Variants in LDHB observed in about 807,000 individuals in gnomAD.
LDHB encodes L-lactate dehydrogenase B chain.
LDHB carries 18 observed loss-of-function variants against 33.4 expected under a neutral mutation model. That is an observed-to-expected ratio of 0.54 (90% CI 0.37 to 0.80). The LOEUF is 0.80. LDHB is among the 30% of genes least tolerant of loss of function. The pLI, the probability that LDHB is intolerant of heterozygous loss-of-function variation, is 0.00. For missense variants in LDHB, 345 were observed against 407.9 expected, an observed-to-expected ratio of 0.85 and a Z score of 1.33; for synonymous variants, 121 against 140.6, an observed-to-expected ratio of 0.86 and a Z score of 0.98.
At chr12:21,642,997 T>C (rs532070700) in intron 4 of LDHB, among the ~76,000 whole-genome samples, 46 of 152,380 alleles carry the variant, frequency 3.0e-4, no homozygotes, top group African/African-American at 1.1e-3. Flanking sequence ...TAACTTACTA[T>C]GTGCTAGCTA....
At position 21,647,009 on chromosome 12, in the gene LDHB, G is replaced by C. The variant is rs184328547; in HGVS notation, c.137C>G (p.Ala46Gly). 6.2e-7 allele frequency: 1 copy of C among 1,609,946 alleles called. No individual in the cohort carries two copies. Among genetic ancestry groups the C allele is most frequent in the Admixed American group, 1.7e-5 (1 of 59,968 alleles). The stretch of plus-strand genomic sequence containing the variant: ...AACATCCACAAGAGCAAGTTCATCA[G>C]CCAGAGACTGTAAACGCAAAAACAG... ...CAISILGKSL[A>G]DELALVDVLE... is the part of the protein sequence containing the mutation. Residue 46 changes from alanine to glycine, a missense_variant, in exon 3 of 8, where the codon GCT becomes GGT. By Grantham distance (60) the Ala-to-Gly change is moderately conservative. Transcript: ENST00000350669.
chr12:21,640,156 T>A (rs112153270), intron 5 of LDHB, among the ~76,000 whole-genome samples: 1 of 151,000 alleles, frequency 6.6e-6, no homozygotes, highest in African/African-American at 2.4e-5. Flanking sequence ...ATTTTATTAT[T>A]TTTTTTTGCC....
At chr12:21,656,302 TAC>T (rs1422702537) in intron 1 of LDHB, among the ~76,000 whole-genome samples, 2 of 152,362 alleles carry the variant, frequency 1.3e-5, no homozygotes, top group East Asian at 1.9e-4. Context: ...AGATCACATT[TAC>T]AGTTTCCTAG....
chr12:21,637,372 A>C (rs528009422), intron 6 of LDHB, 178 bp from the exon 7 acceptor site: 145 of 585,964 alleles, frequency 2.5e-4, no homozygotes, highest in Non-Finnish European at 4.0e-4. Context: ...AAATGCTTAA[A>C]ACTGTAAGCA....
intron 3 of LDHB, among the ~76,000 whole-genome samples, chr12:21,644,544 A>T (rs1020545168): frequency 6.6e-6 from 1 of 152,102 alleles, no homozygotes. Context: ...CTGGAAACTA[A>T]AACTTGGATT....
In LDHB at chr12:21,657,765, C is replaced by A. The variant is rs534649490; in HGVS notation, c.-21G>T. The A allele has an allele frequency of 6.6e-6, 1 of 152,484 alleles. No homozygotes were observed. Among genetic ancestry groups the A allele is most frequent in the Admixed American group, 6.5e-5 (1 of 15,310 alleles). 9.4% of individuals were successfully genotyped at this position (152,484 alleles called of 1,614,324 possible). Reference sequence around the variant, plus strand: ...CCGAAACCTACCAGGAGAGAGAAGGCTCTGGAGACCTCTGTAACAGTCGTG... The same window carrying A: ...CCGAAACCTACCAGGAGAGAGAAGGATCTGGAGACCTCTGTAACAGTCGTG... On this transcript the variant is annotated 5_prime_UTR_variant, in exon 1 of 8. Coordinates refer to ENST00000350669, the MANE Select transcript of LDHB (RefSeq NM_002300.8).
Position 21,642,033 on chromosome 12 carries a change from G to A in LDHB, c.514C>T (p.Arg172Cys), listed in dbSNP as rs745737131. Residue 172 changes from arginine to cysteine, a missense_variant, in exon 5 of 8, where the codon CGC (arginine) becomes TGC (cysteine). By Grantham distance (180) the Arg-to-Cys change is radical (BLOSUM62 -3). Coordinates refer to ENST00000350669, the MANE Select transcript of LDHB (RefSeq NM_002300.8). ...CCAAGTTTTTCAGCCATAAGGTAGC[G>A]AAATCTAGCAGAATCCAGATTACAT... Reference protein sequence around the residue: ...SGCNLDSARFRYLMAEKLGIH... With the variant: ...SGCNLDSARFCYLMAEKLGIH... The A allele has an allele frequency of 1.7e-5, 27 of 1,613,540 alleles. 1 individual carries two copies. Among genetic ancestry groups the A allele is most frequent in the South Asian group, 1.3e-4 (12 of 91,050 alleles).
chr12:21,656,933 A>G (rs1485403161), intron 1 of LDHB: 1 of 152,208 alleles, frequency 6.6e-6, no homozygotes, highest in Non-Finnish European at 1.5e-5. Flanking sequence ...AATCTTTTAA[A>G]AATTCAGGTT....
rs1212769051 is a variant in LDHB at position 21,650,080 on chromosome 12, ACT to A, written c.130-3066_130-3065del. ...GTGCTCCAGCCTGGGTGACAGTAAG[ACT>A]CTCTCTCTCAAGAGAAAAAAAATAC... On this transcript the variant is annotated intron_variant, in intron 2 of 7. Coordinates refer to ENST00000350669, the MANE Select transcript of LDHB (RefSeq NM_002300.8). 5.1e-5 allele frequency among the ~76,000 whole-genome samples: 6 copies of A among 117,718 alleles called. 1 individual carries two copies. The South Asian group carries it at 1.1e-3, about 21-fold the overall frequency. 77.2% of individuals were successfully genotyped at this position (117,718 alleles called of 152,430 possible).
At chr12:21,635,793 T>C in intron 7 of LDHB, 84 bp from the exon 8 acceptor site, 1 of 1,254,118 alleles carries the variant, frequency 8.0e-7, no homozygotes, top group South Asian at 1.3e-5. Flanking sequence ...GTGGGAGGAC[T>C]GTTTGAGCCC....
chr12:21,650,770 G>A (rs1650306), intron 2 of LDHB, among the ~76,000 whole-genome samples: 143,941 of 152,294 alleles, frequency 0.95, 68,528 homozygotes, highest in East Asian at 1. Flanking sequence ...TATTTATCAT[G>A]TAAGTGCCTG....
At chr12:21,647,262 C>G (rs1938551636) in intron 2 of LDHB, among the ~76,000 whole-genome samples, 1 of 152,136 alleles carries the variant, frequency 6.6e-6, no homozygotes, top group Non-Finnish European at 1.5e-5. Context: ...CTAGTGAATA[C>G]AAGTCTATAT....
chr12:21,645,277 G>T (rs936223035), intron 3 of LDHB, among the ~76,000 whole-genome samples: 6 of 152,312 alleles, frequency 3.9e-5, no homozygotes, highest in African/African-American at 1.2e-4. Flanking sequence ...GCCAGGTATT[G>T]TCCAAGGTTT....
At chr12:21,639,766 A>G (rs1591827811) in intron 5 of LDHB, among the ~76,000 whole-genome samples, 1 of 152,026 alleles carries the variant, frequency 6.6e-6, no homozygotes. Flanking sequence ...AAAACTTTCC[A>G]TGCTCAAATT....
At chr12:21,652,145 T>C (rs1938709814) in intron 2 of LDHB, among the ~76,000 whole-genome samples, 1 of 152,188 alleles carries the variant, frequency 6.6e-6, no homozygotes, top group Non-Finnish European at 1.5e-5. Context: ...TCATGATAGC[T>C]CAGATATAGT....
intron 4 of LDHB, chr12:21,643,397 G>A (rs1337640667): frequency 1.9e-5 from 3 of 155,292 alleles, no homozygotes; most frequent in Non-Finnish European, 4.3e-5. Context: ...TGTTCATCCT[G>A]TAGATGTCAA....
chr12:21,637,145 A>G lies in LDHB; in HGVS notation c.763T>C (p.Leu255=), dbSNP rs1174336079. 4.4e-6 allele frequency: 7 copies of G among 1,604,734 alleles called. No homozygotes were observed. In the South Asian group the frequency reaches 6.6e-5, roughly 15 times the overall value. Residue 255 remains leucine, a synonymous_variant, in exon 7 of 8, where the codon TTA becomes CTA. Coordinates refer to ENST00000350669, the MANE Select transcript of LDHB (RefSeq NM_002300.8). ...LKGYTNWAIG[L]SVADLIESML... ...GATTCAATAAGATCAGCCACACTTA[A>G]TCCAATAGCCCAGTTGGTATATCCT... is the stretch of plus-strand genomic sequence containing the variant.
chr12:21,657,633 C>G (rs1384825640), intron 1 of LDHB, 118 bp downstream of exon 1: 1 of 152,406 alleles, frequency 6.6e-6, no homozygotes, highest in Admixed American at 6.5e-5. Flanking sequence ...GAGCTAAAGG[C>G]CGCGGAGGAC....
At chr12:21,652,282 G>C (rs1331821223) in intron 2 of LDHB, among the ~76,000 whole-genome samples, 2 of 152,166 alleles carry the variant, frequency 1.3e-5, no homozygotes, top group Non-Finnish European at 2.9e-5. Context: ...AAATTGAAAA[G>C]TCACTATGGT....
Sources: gnomAD v4.1 joint callset for allele counts (sites outside exome capture counted in the v4.1 genomes callset) on GRCh38, gnomAD v4.1.1 for gene constraint, MANE v1.5 for transcripts, NCBI Gene and HGNC (gene_info 2026-07-23, HGNC 2026-07-21) for gene names.